The following STARD13 variants were observed in gnomAD, a reference collection of about 807,000 sequenced individuals.
STARD13 encodes the protein StAR related lipid transfer domain containing 13, also known as stAR-related lipid transfer protein 13.
STARD13 carries 62 observed loss-of-function variants against 106.4 expected under a neutral mutation model. That is an observed-to-expected ratio of 0.58 (90% CI 0.48 to 0.72). The LOEUF is 0.72. STARD13 is among the 30% of genes least tolerant of loss of function. The pLI, the probability that STARD13 is intolerant of heterozygous loss-of-function variation, is 0.00. For synonymous variants in STARD13, 565 were observed against 553.0 expected (o/e 1.02, Z -0.31); for missense variants, 1,387 against 1,424.0 (o/e 0.97, Z 0.42).
At chr13:33,518,088 A>C in the STARD13 span, among the ~76,000 whole-genome samples, 1 of 152,158 alleles carries the variant, frequency 6.6e-6, no homozygotes, top group East Asian at 1.9e-4. Flanking sequence ...GGGCAGGAAA[A>C]GGCTCTGAAA....
intron 1 of STARD13, among the ~76,000 whole-genome samples, chr13:33,187,261 C>G (rs1885857367): frequency 6.6e-6 from 1 of 152,162 alleles, no homozygotes; most frequent in African/African-American, 2.4e-5. Flanking sequence ...CTATCGGGGT[C>G]AGACAAGGAG....
the STARD13 span, among the ~76,000 whole-genome samples, chr13:33,380,323 G>C: frequency 1.3e-5 from 2 of 151,556 alleles, no homozygotes; most frequent in Non-Finnish European, 2.9e-5. Context: ...GCTGAGGCAG[G>C]AGAATGGCTT....
the STARD13 span, among the ~76,000 whole-genome samples, chr13:33,596,379 G>C: frequency 2.6e-5 from 4 of 152,098 alleles, no homozygotes; most frequent in Non-Finnish European, 5.9e-5. Flanking sequence ...ATATGGTATA[G>C]TTGAAATGTC....
At chr13:33,338,377 A>G (rs1339661706) in intron 1 of STARD13, among the ~76,000 whole-genome samples, 1 of 152,202 alleles carries the variant, frequency 6.6e-6, no homozygotes, top group Non-Finnish European at 1.5e-5. Flanking sequence ...GTCTCCATCA[A>G]ATTCCATTTA....
At chr13:33,559,518 G>A in the STARD13 span, among the ~76,000 whole-genome samples, 1 of 151,458 alleles carries the variant, frequency 6.6e-6, no homozygotes, top group Non-Finnish European at 1.5e-5. Flanking sequence ...GTTTAGATGA[G>A]GTTGTGAGGG....
intron 1 of STARD13, among the ~76,000 whole-genome samples, chr13:33,189,416 T>A (rs1886045675): frequency 2.1e-5 from 1 of 48,688 alleles, no homozygotes; most frequent in African/African-American, 6.1e-5. Flanking sequence ...TCCTCCTGCT[T>A]TCCCTCCTTC....
At position 33,159,506 on chromosome 13, in the gene STARD13, A is replaced by T. The variant is rs549137780; in HGVS notation, c.323+5831T>A. Among the ~76,000 whole-genome samples the T allele has an allele frequency of 3.3e-5, 5 of 152,348 alleles. No homozygotes were observed. The South Asian group carries it at 1.0e-3, about 32-fold the overall frequency. On this transcript the variant is annotated intron_variant, in intron 3 of 13. Transcript: ENST00000336934. Reference sequence around the variant, plus strand: ...TATCATCCTGTAAATAGAACTGCATAATCAGAGACAATCTTTGTCCTTGCA... The same window carrying T: ...TATCATCCTGTAAATAGAACTGCATTATCAGAGACAATCTTTGTCCTTGCA...
chr13:33,528,243 C>CATATATATATACATATATATGTATAT, the STARD13 span, among the ~76,000 whole-genome samples: 9 of 93,480 alleles, frequency 9.6e-5, no homozygotes, highest in Admixed American at 3.2e-4. Flanking sequence ...TATATATATA[C>CATATATATATACATATATATGTATAT]ATATATATAT....
At chr13:33,667,090 G>A in the STARD13 span, among the ~76,000 whole-genome samples, 2 of 152,188 alleles carry the variant, frequency 1.3e-5, no homozygotes, top group South Asian at 2.1e-4. Context: ...TTTTTAAAAT[G>A]TATTATTAAC....
intron 1 of STARD13, among the ~76,000 whole-genome samples, chr13:33,200,456 G>A (rs574695995): frequency 1.3e-5 from 2 of 152,250 alleles, no homozygotes; most frequent in Admixed American, 1.3e-4. Context: ...GGTACTCTCC[G>A]GTCATTAACA....
At chr13:33,403,141 C>T in the STARD13 span, among the ~76,000 whole-genome samples, 1 of 152,238 alleles carries the variant, frequency 6.6e-6, no homozygotes, top group Non-Finnish European at 1.5e-5. Context: ...GCCCAGAGTA[C>T]CTGCCCCGGC....
chr13:33,313,330 A>G (rs1240164774), intron 1 of STARD13, among the ~76,000 whole-genome samples: 4 of 152,218 alleles, frequency 2.6e-5, no homozygotes, highest in African/African-American at 9.6e-5. Context: ...CAGGAACTCA[A>G]TAAGCAGAAG....
chr13:33,653,239 A>C, the STARD13 span, among the ~76,000 whole-genome samples: 1 of 152,202 alleles, frequency 6.6e-6, no homozygotes, highest in East Asian at 1.9e-4. Context: ...AGGAAGACGA[A>C]CAAAGTTACA....
the STARD13 span, among the ~76,000 whole-genome samples, chr13:33,360,962 AT>A: frequency 0.88 from 102,536 of 115,946 alleles, 45,828 homozygotes; most frequent in South Asian, 0.96. Context: ...CGCCCGGCTA[AT>A]TTTTTTTTTT....
the STARD13 span, among the ~76,000 whole-genome samples, chr13:33,443,154 G>C: frequency 2.0e-5 from 3 of 151,934 alleles, no homozygotes; most frequent in East Asian, 5.8e-4. Flanking sequence ...CGAGGCGGGC[G>C]GATCACAAGG....
chr13:33,426,398 T>C, the STARD13 span, among the ~76,000 whole-genome samples: 1 of 152,204 alleles, frequency 6.6e-6, no homozygotes, highest in East Asian at 1.9e-4. Flanking sequence ...TATTTTATTC[T>C]GCCTTCTATC....
chr13:33,156,302 T>C (rs1881978698), intron 3 of STARD13, among the ~76,000 whole-genome samples: 1 of 152,240 alleles, frequency 6.6e-6, no homozygotes, highest in South Asian at 2.1e-4. Context: ...GCTCCTTCTT[T>C]TGAGCGTGTC....
the STARD13 span, among the ~76,000 whole-genome samples, chr13:33,506,673 G>T: frequency 2.5e-4 from 38 of 151,998 alleles, no homozygotes; most frequent in South Asian, 4.1e-4. Context: ...ACATTCGAAG[G>T]GCAAATTTGA....
At chr13:33,622,119 T>C in the STARD13 span, among the ~76,000 whole-genome samples, 1 of 152,142 alleles carries the variant, frequency 6.6e-6, no homozygotes, top group Non-Finnish European at 1.5e-5. Context: ...TTGCAATTTC[T>C]GTCAAACCTT....
Sources: allele counts gnomAD v4.1 joint callset (sites outside exome capture counted in the v4.1 genomes callset), GRCh38; gene constraint gnomAD v4.1.1; transcripts MANE v1.5; gene names NCBI Gene and HGNC (gene_info 2026-07-23, HGNC 2026-07-21).